Variants in PLXNB2 observed in about 807,000 individuals in gnomAD.
The protein encoded by PLXNB2 is plexin B2.
A neutral mutation model predicts 202.6 loss-of-function variants in PLXNB2; 85 were observed. The observed-to-expected ratio is 0.42, with a 90% confidence interval of 0.35 to 0.50. The LOEUF (loss-of-function observed/expected upper bound fraction) is 0.50. Among genes scored for constraint, PLXNB2 ranks in the 20% least tolerant of loss-of-function variants. The probability of loss-of-function intolerance (pLI) is 0.02; values close to 1 mark genes in which losing one functional copy is unlikely to be tolerated. For missense variants in PLXNB2, 2,063 were observed against 2,586.2 expected (o/e 0.80, Z 4.39); for synonymous variants, 1,239 against 1,137.6 (o/e 1.09, Z -1.79).
At chr22:50,281,004 G>A (rs1269270421) in intron 23 of PLXNB2, 31 bp from the exon 24 acceptor site, 2 of 1,604,200 alleles carry the variant, frequency 1.2e-6, no homozygotes, top group East Asian at 4.5e-5. Flanking sequence ...GACGTCCCTG[G>A]CCACGTGGGG....
rs2067143469 is a variant in PLXNB2 at position 50,294,840 on chromosome 22, C to G, written c.-73-62G>C. 4.7e-6 allele frequency: 4 copies of G among 846,938 alleles called. No individual in the cohort carries two copies. The Admixed American group carries it at 1.9e-4, about 39-fold the overall frequency. 52.5% of individuals were successfully genotyped at this position (846,938 alleles called of 1,614,324 possible). A position where few individuals can be genotyped will look rare whatever the true frequency, so the allele number is the denominator to read the frequency against. On this transcript the variant is annotated intron_variant, in intron 1 of 36. Coordinates refer to ENST00000359337, the MANE Select transcript of PLXNB2 (RefSeq NM_012401.4). The stretch of plus-strand genomic sequence containing the variant: ...GCCCGGTCTGCTGTGGAGCCCCCCA[C>G]CTCTGTCCCATGCTGGTGGGGCTTG...
At chr22:50,302,407 A>G (rs927144287) in intron 1 of PLXNB2, among the ~76,000 whole-genome samples, 1 of 152,168 alleles carries the variant, frequency 6.6e-6, no homozygotes, top group African/African-American at 2.4e-5. Context: ...CCTGGAGGCC[A>G]GGTCCAGCCC....
Position 50,278,909 on chromosome 22 carries a change from C to T in PLXNB2, c.4492G>A (p.Val1498Met). ...SQVKEKIIDQ[V>M]YRGQPCSCWP... ...CAGGAGCAGGGCTGCCCACGGTACA[C>T]CTGGTCAATGATCTTCTCCTTGACC... Residue 1498 changes from valine to methionine, a missense_variant, in exon 28 of 37, where the codon GTG (valine) becomes ATG (methionine). Physicochemically the swap from Val to Met is conservative, Grantham distance 21. Transcript: ENST00000359337. 1 of 1,613,654 alleles carries T rather than the reference C, an allele frequency of 6.2e-7. No homozygotes were observed. Among genetic ancestry groups the T allele is most frequent in the Non-Finnish European group, 8.5e-7 (1 of 1,179,892 alleles).
At position 50,277,859 on chromosome 22, in the gene PLXNB2, G is replaced by C; in HGVS notation, c.5042C>G (p.Thr1681Arg). 6.2e-7 allele frequency: 1 copy of C among 1,612,846 alleles called. No individual in the cohort carries two copies. ...GGTGGGTGTGGAGCCTCACCTGTTC[G>C]TCTTCCAGATGTGGATGGTGTCTTC... is the stretch of plus-strand genomic sequence containing the variant. ...QDEDTIHIWK[T>R]NSLPLRFWVN... Residue 1681 changes from threonine (T) to arginine (R), a missense_variant, in exon 32 of 37, where the codon ACG becomes AGG. This residue lies in a region of PLXNB2 where 760 missense variants were observed against 1,109.4 expected (regional missense o/e 0.69). Transcript: ENST00000359337.
At chr22:50,285,100 G>A (rs546851846) in intron 11 of PLXNB2, among the ~76,000 whole-genome samples, 3 of 152,110 alleles carry the variant, frequency 2.0e-5, no homozygotes, top group Non-Finnish European at 4.4e-5. Context: ...TACCTCATGT[G>A]GGGGCCCCGA....
At chr22:50,300,562 G>A (rs2067623600) in intron 1 of PLXNB2, among the ~76,000 whole-genome samples, 1 of 152,232 alleles carries the variant, frequency 6.6e-6, no homozygotes, top group Admixed American at 6.5e-5. Context: ...GCGGGGCGGG[G>A]CGGGGCTCCA....
chr22:50,286,258 G>T lies in PLXNB2; in HGVS notation c.1792C>A (p.Leu598Ile). The T allele has an allele frequency of 6.2e-7, 1 of 1,613,220 alleles. No homozygotes were observed. Among genetic ancestry groups the T allele is most frequent in the Non-Finnish European group, 8.5e-7 (1 of 1,179,852 alleles). The change falls in exon 9 of 37, where the codon CTT (leucine) becomes ATT (isoleucine). Residue 598 changes from leucine to isoleucine, a missense_variant. By Grantham distance (5) the Leu-to-Ile change is conservative. Transcript: ENST00000359337. Reference sequence around the variant, plus strand: ...GTGAGGAAGATGTTGCCTCGTCTAAGGAGGAGCTGGATGGTCACGGCCACG... The same window carrying T: ...GTGAGGAAGATGTTGCCTCGTCTAATGAGGAGCTGGATGGTCACGGCCACG... ...DHVAVTIQLL[L>I]RRGNIFLTSY...
In PLXNB2 at chr22:50,275,632, C is replaced by T. The variant is rs567266474; in HGVS notation, c.*72G>A. On this transcript the variant is annotated 3_prime_UTR_variant, in exon 37 of 37. Coordinates refer to ENST00000359337, the MANE Select transcript of PLXNB2 (RefSeq NM_012401.4). ...GGTGGGGGCCTCAGCCACAGCCACTCGGCCTCCTCCCCTGAGGGGCTCTCA... is the reference window on the plus strand; with the variant it reads ...GGTGGGGGCCTCAGCCACAGCCACTTGGCCTCCTCCCCTGAGGGGCTCTCA... 15 of 1,101,840 alleles carry T rather than the reference C, an allele frequency of 1.4e-5. No homozygotes were observed. Among genetic ancestry groups the T allele is most frequent in the East Asian group, 2.4e-5 (1 of 41,012 alleles). 68.3% of individuals were successfully genotyped at this position (1,101,840 alleles called of 1,614,324 possible).
In PLXNB2 at chr22:50,288,981, G is replaced by C. The variant is rs745672789; in HGVS notation, c.1230C>G (p.Thr410=). 4 of 1,609,360 alleles carry C rather than the reference G, an allele frequency of 2.5e-6. No individual in the cohort carries two copies. The highest frequency in any genetic ancestry group is 3.4e-6 in the Non-Finnish European group (4 of 1,177,172). ...ENNHTVAFLG[T]SDGRILKVYL... ...AAACCTTGAGGATCCGGCCATCAGA[G>C]GTGCCCAGAAAAGCAACAGTGTGGT... Residue 410 remains threonine, a synonymous_variant, in exon 4 of 37, where the codon ACC becomes ACG. Transcript: ENST00000359337. The surrounding 1 kb of genome is among the most constrained non-coding windows in gnomAD (Gnocchi z 5.0).
In PLXNB2 at chr22:50,281,494, C is replaced by T. The variant is rs1396800735; in HGVS notation, c.3528G>A (p.Lys1176=). 6.2e-7 allele frequency: 1 copy of T among 1,611,524 alleles called. No homozygotes were observed. The highest frequency in any genetic ancestry group is 8.5e-7 in the Non-Finnish European group (1 of 1,179,390). ...CCAGCACCCACTCGCGAGAGCCGAA[C>T]TTCACCTGTGTGGGGGGCCGGGTTC... is the stretch of plus-strand genomic sequence containing the variant. ...TTHNLPEFIV[K]FGSREWVLGR... The change falls in exon 22 of 37, where the codon AAG becomes AAA. Residue 1176 remains lysine, a synonymous_variant. Transcript: ENST00000359337.
chr22:50,284,853 G>C lies in PLXNB2; in HGVS notation c.2089-188C>G, dbSNP rs73437453. On this transcript the variant is annotated intron_variant, in intron 11 of 36. Transcript: ENST00000359337. The surrounding 1 kb of genome is among the most constrained non-coding windows in gnomAD (Gnocchi z 8.0). ...CTCCTGAGCCCAAACACCTGTGTCT[G>C]CAGAAGCCTCTGAACGTCCTCTGTG... 5.2e-3 allele frequency: 3,774 copies of C among 719,902 alleles called. 104 individuals carry two copies. The African/African-American group carries it at 0.058, about 11-fold the overall frequency. 44.6% of individuals were successfully genotyped at this position (719,902 alleles called of 1,614,324 possible).
intron 27 of PLXNB2, among the ~76,000 whole-genome samples, chr22:50,279,239 G>A (rs536836704): frequency 2.5e-4 from 38 of 151,804 alleles, no homozygotes; most frequent in Middle Eastern, 3.4e-3. Flanking sequence ...GCTCAGAACC[G>A]CTCACTCAGG....
rs546270833 is a variant in PLXNB2, at chr22:50,297,123, G to A, written c.-73-2345C>T. ...GTCTCCTGAGAAAGCTGGGACCCGC[G>A]GGGACTGGAGACTGCAGCTCCCGAC... On this transcript the variant is annotated intron_variant, in intron 1 of 36. Transcript: ENST00000359337. The surrounding 1 kb of genome is among the most constrained non-coding windows in gnomAD (Gnocchi z 5.3). Among the ~76,000 whole-genome samples the A allele has an allele frequency of 3.3e-5, 5 of 152,182 alleles. No homozygotes were observed. Among genetic ancestry groups the A allele is most frequent in the Admixed American group, 2.0e-4 (3 of 15,290 alleles).
rs2066855817 is a variant in PLXNB2 at position 50,291,332 on chromosome 22, G to A, written c.-13-735C>T. On this transcript the variant is annotated intron_variant, in intron 2 of 36. Coordinates refer to ENST00000359337, the MANE Select transcript of PLXNB2 (RefSeq NM_012401.4). The surrounding 1 kb of genome is among the most constrained non-coding windows in gnomAD (Gnocchi z 4.3). ...GCAACAAGGGGACCTGGGGAGCCAT[G>A]AGCAACTCCAAATCCACCAGGTCTC... Among the ~76,000 whole-genome samples, 1 of 152,158 alleles carries A rather than the reference G, an allele frequency of 6.6e-6. No individual in the cohort carries two copies. Among genetic ancestry groups the A allele is most frequent in the Non-Finnish European group, 1.5e-5 (1 of 68,012 alleles).
chr22:50,307,445 G>A, intron 1 of PLXNB2, 108 bp downstream of exon 1: 3 of 579,302 alleles, frequency 5.2e-6, no homozygotes, highest in Non-Finnish European at 6.5e-6. Context: ...AGCCGCCGCA[G>A]GTCCCCGGGC....
At position 50,279,985 on chromosome 22, in the gene PLXNB2, C is replaced by A; in HGVS notation, c.4242+20G>T. 6.3e-7 allele frequency: 1 copy of A among 1,585,298 alleles called. No homozygotes were observed. The stretch of plus-strand genomic sequence containing the variant: ...TCTGCCTCATCCCTCAAGCCCCAGC[C>A]AGGCTGGGGTGGAACCCACCTTGAG... On this transcript the variant is annotated intron_variant, in intron 26 of 36. Transcript: ENST00000359337.
intron 16 of PLXNB2, 68 bp from the exon 17 acceptor site, chr22:50,283,254 GT>G (rs2066151459): frequency 6.2e-7 from 1 of 1,604,926 alleles, no homozygotes; most frequent in African/African-American, 1.3e-5. Context: ...GGGCTGGATG[GT>G]AACTGTCGTG....
chr22:50,300,099 C>T (rs2067585653), intron 1 of PLXNB2, among the ~76,000 whole-genome samples: 1 of 152,138 alleles, frequency 6.6e-6, no homozygotes, highest in Admixed American at 6.5e-5. Context: ...GACTCCGGCG[C>T]CCCGTCCGCC....
chr22:50,279,174 AC>A (rs2065820998), intron 27 of PLXNB2, among the ~76,000 whole-genome samples, 163 bp from the exon 28 acceptor site: 1 of 152,156 alleles, frequency 6.6e-6, no homozygotes. Context: ...CCAGATGACC[AC>A]ACTCTGCCCT....
Sources: gnomAD v4.1 joint callset for allele counts (sites outside exome capture counted in the v4.1 genomes callset) on GRCh38, gnomAD v4.1.1 for gene constraint, gnomAD v4.1.1 regional missense constraint, Gnocchi (gnomAD v3.1) non-coding constraint, MANE v1.5 for transcripts, NCBI Gene and HGNC (gene_info 2026-07-23, HGNC 2026-07-21) for gene names.